PTER: variants seen among roughly 807,000 people sequenced by gnomAD.
PTER encodes the protein phosphotriesterase related.
A neutral mutation model predicts 29.6 loss-of-function variants in PTER; 38 were observed. The ratio of observed to expected loss-of-function variants is 1.28; its 90% CI spans 0.99 to 1.68. The LOEUF (loss-of-function observed/expected upper bound fraction) is 1.68. Among genes scored for constraint, PTER ranks in the 40% most tolerant of loss-of-function variants. The pLI is 0.00. For missense variants in PTER, 482 were observed against 427.8 expected, an observed-to-expected ratio of 1.13 and a Z score of -1.12; for synonymous variants, 172 against 154.5, an observed-to-expected ratio of 1.11 and a Z score of -0.84.
intron 3 of PTER, among the ~76,000 whole-genome samples, 157 bp from the exon 4 acceptor site, chr10:16,504,863 T>C (rs1386283845): frequency 6.6e-6 from 1 of 152,188 alleles, no homozygotes; most frequent in East Asian, 1.9e-4. Context: ...GAACTTACTG[T>C]TTTATACTCA....
intron 1 of PTER, among the ~76,000 whole-genome samples, chr10:16,469,833 C>G (rs1834979175): frequency 2.0e-5 from 3 of 151,950 alleles, no homozygotes; most frequent in Admixed American, 1.3e-4. Flanking sequence ...CTGCCTCAGC[C>G]TCCCAAAGTG....
At chr10:16,488,777 T>C (rs1835794698) in intron 3 of PTER, among the ~76,000 whole-genome samples, 1 of 152,144 alleles carries the variant, frequency 6.6e-6, no homozygotes, top group Non-Finnish European at 1.5e-5. Context: ...CTAATTTTTA[T>C]ATTTTTTGTA....
At chr10:16,449,939 A>G (rs879654595) in intron 1 of PTER, among the ~76,000 whole-genome samples, 5 of 152,166 alleles carry the variant, frequency 3.3e-5, no homozygotes, top group Non-Finnish European at 7.3e-5. Flanking sequence ...CTAACCAAAC[A>G]AATAAACTCT....
At chr10:16,462,500 T>C (rs1388393015) in intron 1 of PTER, among the ~76,000 whole-genome samples, 1 of 152,010 alleles carries the variant, frequency 6.6e-6, no homozygotes. Context: ...AGTTAAGACT[T>C]GTTGTGAGTT....
chr10:16,466,360 C>G (rs1178115277), intron 1 of PTER, among the ~76,000 whole-genome samples: 1 of 151,014 alleles, frequency 6.6e-6, no homozygotes, highest in African/African-American at 2.4e-5. Flanking sequence ...GGTATCTGCA[C>G]TGATTGTTTG....
In PTER at chr10:16,437,031, AGC is replaced by A. The variant is rs1043014648; in HGVS notation, c.-61_-60del. On this transcript the variant is annotated 5_prime_UTR_variant, in exon 1 of 5. Coordinates refer to ENST00000535784, the MANE Select transcript of PTER (RefSeq NM_001261836.2). ...TGCCGGAAGTTCCCAGGGAGAAGGCAGCGCGTTGTACCCGAGGTAAGGCTTCT... is the reference window on the plus strand; with the variant it reads ...TGCCGGAAGTTCCCAGGGAGAAGGCAGCGTTGTACCCGAGGTAAGGCTTCT... 6.6e-6 allele frequency: 1 copy of A among 152,614 alleles called. No individual in the cohort carries two copies. Among genetic ancestry groups the A allele is most frequent in the Non-Finnish European group, 1.5e-5 (1 of 68,358 alleles). The allele number at this position is 152,614 out of a possible 1,614,324, so 9.5% of individuals were successfully genotyped here. A position where few individuals can be genotyped will look rare whatever the true frequency, so the allele number is the denominator to read the frequency against.
At chr10:16,497,599 C>G (rs1234348624) in intron 3 of PTER, among the ~76,000 whole-genome samples, 1 of 152,144 alleles carries the variant, frequency 6.6e-6, no homozygotes, top group African/African-American at 2.4e-5. Context: ...TTATTTGAAA[C>G]TGTAAAGCCC....
At chr10:16,482,227 A>G (rs1415522881) in intron 1 of PTER, among the ~76,000 whole-genome samples, 3 of 152,204 alleles carry the variant, frequency 2.0e-5, no homozygotes, top group Admixed American at 1.3e-4. Context: ...GTTCCAGATA[A>G]TTGCAGTGGC....
chr10:16,514,328 A>T (rs1182647383), downstream of PTER: 1 of 587,476 alleles, frequency 1.7e-6, no homozygotes, highest in Non-Finnish European at 3.0e-6. Flanking sequence ...AGTGGATCAC[A>T]CATCTGCTTA....
intron 1 of PTER, among the ~76,000 whole-genome samples, chr10:16,459,441 T>G (rs1314227990): frequency 6.6e-6 from 1 of 152,244 alleles, no homozygotes; most frequent in Non-Finnish European, 1.5e-5. Context: ...CAATGGGGCC[T>G]TTGAGAAATC....
rs1836813232 is a variant in PTER at position 16,511,592 on chromosome 10, G to T, written c.*336G>T. On this transcript the variant is annotated 3_prime_UTR_variant, in exon 5 of 5. Coordinates refer to ENST00000535784, the MANE Select transcript of PTER (RefSeq NM_001261836.2). ...TGCACTACTTGAGAAAATTTAAAGT[G>T]TTTCTAGTTAAATTATTTCCTTCTT... is the stretch of plus-strand genomic sequence containing the variant. 4 of 232,244 alleles carry T rather than the reference G, an allele frequency of 1.7e-5. No individual in the cohort carries two copies. In the East Asian group the frequency reaches 2.6e-4, roughly 15 times the overall value. The allele number at this position is 232,244 out of a possible 1,614,324, so 14.4% of individuals were successfully genotyped here. A position where few individuals can be genotyped will look rare whatever the true frequency, so the allele number is the denominator to read the frequency against.
At chr10:16,475,430 CT>C (rs1464566691) in intron 1 of PTER, among the ~76,000 whole-genome samples, 8 of 152,296 alleles carry the variant, frequency 5.3e-5, no homozygotes. Context: ...TCCATATTGT[CT>C]CAGGGCCTCT....
At chr10:16,498,605 C>G (rs1213184296) in intron 3 of PTER, among the ~76,000 whole-genome samples, 10 of 152,006 alleles carry the variant, frequency 6.6e-5, no homozygotes, top group Non-Finnish European at 1.3e-4. Context: ...AAAAACAACT[C>G]TCAAGAAGTA....
chr10:16,479,098 A>T (rs78586275), intron 1 of PTER, among the ~76,000 whole-genome samples: 1 of 151,672 alleles, frequency 6.6e-6, no homozygotes, highest in Non-Finnish European at 1.5e-5. Flanking sequence ...AAAAAAAAAA[A>T]GGAAAGCTTG....
intron 1 of PTER, among the ~76,000 whole-genome samples, chr10:16,464,545 T>A (rs1410681152): frequency 1.3e-5 from 2 of 152,250 alleles, no homozygotes; most frequent in Non-Finnish European, 2.9e-5. Flanking sequence ...GCCTACTTAA[T>A]GATCGCCCTT....
At chr10:16,491,399 A>C (rs1377238275) in intron 3 of PTER, among the ~76,000 whole-genome samples, 1 of 152,206 alleles carries the variant, frequency 6.6e-6, no homozygotes, top group Non-Finnish European at 1.5e-5. Context: ...GACAGTGGCC[A>C]TGCTGAAGTT....
At chr10:16,507,133 G>C (rs902336412) in intron 4 of PTER, among the ~76,000 whole-genome samples, 1 of 151,146 alleles carries the variant, frequency 6.6e-6, no homozygotes, top group Non-Finnish European at 1.5e-5. Flanking sequence ...GAGAGGAATG[G>C]TCAGATAGAC....
At chr10:16,451,984 C>T (rs867376931) in intron 1 of PTER, among the ~76,000 whole-genome samples, 74 of 152,156 alleles carry the variant, frequency 4.9e-4, no homozygotes, top group African/African-American at 1.6e-3. Flanking sequence ...TGTGTACTAC[C>T]TTTACCACTA....
chr10:16,451,441 G>A (rs1834204690), intron 1 of PTER, among the ~76,000 whole-genome samples: 1 of 152,202 alleles, frequency 6.6e-6, no homozygotes, highest in Admixed American at 6.5e-5. Context: ...GGGCGTGGTG[G>A]CTCACGCCTG....
Sources: allele counts gnomAD v4.1 joint callset (sites outside exome capture counted in the v4.1 genomes callset), GRCh38; gene constraint gnomAD v4.1.1; transcripts MANE v1.5; gene names NCBI Gene and HGNC (gene_info 2026-07-23, HGNC 2026-07-21).